The following FAM184A variants were observed in gnomAD, a reference collection of about 807,000 sequenced individuals.
FAM184A encodes the protein family with sequence similarity 184 member A.
In FAM184A, 99 loss-of-function variants were observed where a neutral mutation model predicts 143.8. The observed-to-expected ratio is 0.69, with a 90% CI of 0.58 to 0.81. FAM184A has a LOEUF of 0.81. Among genes scored for constraint, FAM184A ranks in the 40% least tolerant of loss-of-function variants. FAM184A has a pLI of 0.00. For missense variants in FAM184A, 1,217 were observed against 1,310.5 expected, an observed-to-expected ratio of 0.93 and a Z score of 1.10; for synonymous variants, 427 against 446.4, an observed-to-expected ratio of 0.96 and a Z score of 0.55.
chr6:119,110,561 A>G (rs1387503185), intron 1 of FAM184A, among the ~76,000 whole-genome samples: 1 of 152,034 alleles, frequency 6.6e-6, no homozygotes, highest in Non-Finnish European at 1.5e-5. Context: ...TGGATAGACA[A>G]CTAGCAGGGT....
At chr6:119,119,579 T>C (rs1043959218) in intron 1 of FAM184A, among the ~76,000 whole-genome samples, 1 of 152,124 alleles carries the variant, frequency 6.6e-6, no homozygotes. Context: ...TGTTAGTATA[T>C]GAACACAAAA....
chr6:119,062,157 T>C (rs553595683), intron 1 of FAM184A, among the ~76,000 whole-genome samples: 16 of 152,300 alleles, frequency 1.1e-4, no homozygotes, highest in African/African-American at 3.4e-4. Context: ...ATGTATAACT[T>C]TGAAAAAGTT....
At chr6:119,082,573 C>A (rs1349452810), upstream of FAM184A, among the ~76,000 whole-genome samples, 1 of 152,268 alleles carries the variant, frequency 6.6e-6, no homozygotes, top group Non-Finnish European at 1.5e-5. Context: ...AAAGGGGCCA[C>A]AGGCCCCATG....
chr6:119,025,407 T>C, intron 1 of FAM184A: 4 of 516,364 alleles, frequency 7.7e-6, no homozygotes, highest in South Asian at 5.6e-5. Flanking sequence ...TTTCTAGTGA[T>C]CTCTTTATAA....
chr6:119,065,203 A>G (rs1018034133), intron 1 of FAM184A, among the ~76,000 whole-genome samples: 3 of 152,208 alleles, frequency 2.0e-5, no homozygotes, highest in Non-Finnish European at 4.4e-5. Context: ...TGTTATGAAA[A>G]GACTATGGCT....
At chr6:118,968,670 C>A (rs1407204) in intron 14 of FAM184A, among the ~76,000 whole-genome samples, 119,567 of 152,150 alleles carry the variant, frequency 0.79, 47,337 homozygotes, top group East Asian at 0.92. Context: ...GATTTATGAA[C>A]TGCTTCCCGC....
chr6:119,134,008 A>G (rs1789600708), intron 1 of FAM184A, among the ~76,000 whole-genome samples: 2 of 151,946 alleles, frequency 1.3e-5, no homozygotes, highest in Admixed American at 1.3e-4. Context: ...AGAAGACACA[A>G]AAGTGCAAAA....
At chr6:118,997,088 T>A (rs1378628157) in intron 9 of FAM184A, among the ~76,000 whole-genome samples, 2 of 151,834 alleles carry the variant, frequency 1.3e-5, no homozygotes, top group Non-Finnish European at 2.9e-5. Flanking sequence ...TTCCATCTAT[T>A]CTTCCATTGA....
intron 1 of FAM184A, among the ~76,000 whole-genome samples, chr6:119,116,581 C>A (rs954474654): frequency 6.6e-6 from 1 of 152,182 alleles, no homozygotes. Context: ...TATTACAAAT[C>A]CCAGTCTAGT....
At chr6:119,023,161 T>C (rs1785507335) in intron 2 of FAM184A, 81 bp from the exon 3 acceptor site, 1 of 1,472,440 alleles carries the variant, frequency 6.8e-7, no homozygotes. Context: ...AAGGGTCAGC[T>C]TTCTCTTATT....
chr6:118,980,054 T>C, intron 10 of FAM184A, 84 bp downstream of exon 10: 2 of 1,213,366 alleles, frequency 1.6e-6, no homozygotes. Flanking sequence ...TCTCAAAAAA[T>C]AGAAAAAAAA....
chr6:119,006,327 A>T, intron 7 of FAM184A, 120 bp downstream of exon 7: 2 of 944,550 alleles, frequency 2.1e-6, no homozygotes, highest in Non-Finnish European at 3.3e-6. Context: ...TTGTTATGGT[A>T]GTTCTAAGAA....
chr6:119,104,186 G>C (rs568373319), intron 1 of FAM184A, among the ~76,000 whole-genome samples: 7 of 152,104 alleles, frequency 4.6e-5, no homozygotes, highest in Admixed American at 1.3e-4. Context: ...ACCAAGCCCA[G>C]CTAATTTTTG....
At chr6:119,041,975 T>TTGCCACCATCTTGGAAGCGGCC (rs1786353483) in intron 1 of FAM184A, among the ~76,000 whole-genome samples, 2 of 152,110 alleles carry the variant, frequency 1.3e-5, no homozygotes, top group South Asian at 2.1e-4. Flanking sequence ...AACACGAGGC[T>TTGCCACCATCTTGGAAGCGGCC]TGCCACCATC....
chr6:119,116,827 ATAGT>A, intron 1 of FAM184A, among the ~76,000 whole-genome samples: 1 of 152,358 alleles, frequency 6.6e-6, no homozygotes, highest in East Asian at 1.9e-4. Flanking sequence ...ATGAAAGTGC[ATAGT>A]GTATTCTGAA....
chr6:119,066,882 T>C (rs1405221223), intron 1 of FAM184A, among the ~76,000 whole-genome samples: 1 of 152,222 alleles, frequency 6.6e-6, no homozygotes. Context: ...CCTCGAACTG[T>C]ATAAGATTTC....
intron 9 of FAM184A, among the ~76,000 whole-genome samples, chr6:118,998,409 T>G (rs1182971616): frequency 1.3e-5 from 2 of 152,204 alleles, no homozygotes; most frequent in Non-Finnish European, 2.9e-5. Flanking sequence ...TTTTAGGTGC[T>G]GGGGATACCC....
At chr6:119,007,408 A>C (rs1784956433) in intron 6 of FAM184A, among the ~76,000 whole-genome samples, 1 of 151,956 alleles carries the variant, frequency 6.6e-6, no homozygotes, top group Non-Finnish European at 1.5e-5. Flanking sequence ...TCCTTCTCTG[A>C]CCCACAATTC....
In FAM184A at chr6:119,019,998, G is replaced by T; in HGVS notation, c.1312C>A (p.Gln438Lys). The T allele has an allele frequency of 6.3e-7, 1 of 1,589,742 alleles. No individual in the cohort carries two copies. Residue 438 changes from glutamine (Q) to lysine (K), a missense_variant, in exon 4 of 18, where the codon CAG becomes AAG. Transcript: ENST00000338891. ...TTTACCTTCTCCAGTTCTAGAATCT[G>T]TTGCTTCTGCTCTTCATCCAGACTT... ...TQSLDEEQKQ[Q>K]ILELEKKVNE...
Sources: gnomAD v4.1 joint callset for allele counts (sites outside exome capture counted in the v4.1 genomes callset) on GRCh38, gnomAD v4.1.1 for gene constraint, MANE v1.5 for transcripts, NCBI Gene and HGNC (gene_info 2026-07-23, HGNC 2026-07-21) for gene names.